Variants in CNOT10 observed in about 807,000 individuals in gnomAD.
CNOT10 encodes CCR4-NOT transcription complex subunit 10.
Under a neutral mutation model 94.6 loss-of-function variants are expected in CNOT10, and 30 were observed. The observed-to-expected ratio is 0.32, with a 90% confidence interval of 0.24 to 0.43. CNOT10 has a LOEUF of 0.43. CNOT10 is among the 20% of genes least tolerant of loss of function. The pLI is 1.00. For missense variants in CNOT10, 759 were observed against 877.2 expected (o/e 0.87, Z 1.70); for synonymous variants, 289 against 301.6 (o/e 0.96, Z 0.43).
rs111288107 is a variant in CNOT10, at chr3:32,694,808, C to G, written c.23-9060C>G. On this transcript the variant is annotated intron_variant, in intron 1 of 18. Coordinates refer to ENST00000328834, the MANE Select transcript of CNOT10 (RefSeq NM_015442.3). ...GTTTCACCATGTTGGTCGGAATGCT[C>G]TCAAACTCCCCACCTCGTGATCTGC... Among the ~76,000 whole-genome samples the G allele has an allele frequency of 2.5e-3, 387 of 152,260 alleles. 3 individuals are homozygous for G. Among genetic ancestry groups the G allele is most frequent in the African/African-American group, 8.8e-3 (365 of 41,542 alleles).
intron 1 of CNOT10, among the ~76,000 whole-genome samples, chr3:32,698,740 T>G (rs1697193724): frequency 6.6e-6 from 1 of 152,188 alleles, no homozygotes; most frequent in Non-Finnish European, 1.5e-5. Flanking sequence ...TGCTGACATG[T>G]GCCAGGCTAG....
chr3:32,753,390 G>T (rs1700049954), intron 13 of CNOT10: 2 of 1,399,374 alleles, frequency 1.4e-6, no homozygotes, highest in Non-Finnish European at 2.0e-6. Flanking sequence ...AATGTTCAAA[G>T]AATGATGTAA....
intron 1 of CNOT10, among the ~76,000 whole-genome samples, chr3:32,694,619 T>G (rs1181722646): frequency 6.6e-6 from 1 of 152,136 alleles, no homozygotes; most frequent in Non-Finnish European, 1.5e-5. Context: ...TGAGGCAGTC[T>G]TGCTCTGTTG....
At chr3:32,692,737 A>G (rs1257115991) in intron 1 of CNOT10, among the ~76,000 whole-genome samples, 1 of 152,150 alleles carries the variant, frequency 6.6e-6, no homozygotes, top group African/African-American at 2.4e-5. Context: ...GTTAGTGAAT[A>G]TTCTTCTTTA....
intron 13 of CNOT10, among the ~76,000 whole-genome samples, chr3:32,756,621 C>T (rs1206874639): frequency 6.6e-6 from 1 of 152,180 alleles, no homozygotes; most frequent in Non-Finnish European, 1.5e-5. Flanking sequence ...GCAAAGTGAC[C>T]TACCAACAGG....
intron 17 of CNOT10, chr3:32,768,993 A>C (rs1700781550): frequency 6.6e-6 from 1 of 152,210 alleles, no homozygotes; most frequent in South Asian, 2.1e-4. Context: ...CCATATTCAC[A>C]GCACATTCAC....
chr3:32,769,684 A>G (rs779403420), intron 17 of CNOT10: 10 of 520,418 alleles, frequency 1.9e-5, no homozygotes, highest in Non-Finnish European at 2.8e-5. Flanking sequence ...CTCAAAACCC[A>G]GAGTATTACA....
chr3:32,716,381 GAGAT>G (rs1698121480), intron 6 of CNOT10, 70 bp downstream of exon 6: 2 of 729,466 alleles, frequency 2.7e-6, no homozygotes, highest in Non-Finnish European at 4.6e-6. Flanking sequence ...ATGAAGCAAT[GAGAT>G]AGATCATTGG....
At chr3:32,708,932 A>C in intron 4 of CNOT10, 112 bp downstream of exon 4, 1 of 798,868 alleles carries the variant, frequency 1.3e-6, no homozygotes, top group Non-Finnish European at 1.9e-6. Context: ...GTATTCAAAG[A>C]AAAGCCGTAT....
intron 7 of CNOT10, among the ~76,000 whole-genome samples, chr3:32,718,200 T>G (rs1698207058): frequency 6.6e-6 from 1 of 151,070 alleles, no homozygotes; most frequent in Admixed American, 6.6e-5. Context: ...AGAACAATTG[T>G]GGCCTAGACC....
At chr3:32,730,710 T>G (rs547366067) in intron 10 of CNOT10, 1 of 152,272 alleles carries the variant, frequency 6.6e-6, no homozygotes, top group East Asian at 1.9e-4. Context: ...AGAAATAAAT[T>G]CATTTTGGAT....
At chr3:32,734,599 C>G (rs551956519) in intron 11 of CNOT10, among the ~76,000 whole-genome samples, 1 of 152,222 alleles carries the variant, frequency 6.6e-6, no homozygotes, top group South Asian at 2.1e-4. Context: ...TATATACTTG[C>G]AATCCATTAT....
At chr3:32,685,942 T>C (rs1162346209) in intron 1 of CNOT10, among the ~76,000 whole-genome samples, 1 of 152,076 alleles carries the variant, frequency 6.6e-6, no homozygotes, top group Non-Finnish European at 1.5e-5. Context: ...AAAACCACTT[T>C]TTTTTTTCTT....
chr3:32,721,833 T>TA (rs1575239729), intron 8 of CNOT10, among the ~76,000 whole-genome samples: 1 of 151,538 alleles, frequency 6.6e-6, no homozygotes, highest in East Asian at 1.9e-4. Flanking sequence ...TTTTTTTTTT[T>TA]AGTAGAGACA....
intron 13 of CNOT10, among the ~76,000 whole-genome samples, chr3:32,756,134 G>A (rs895808015): frequency 9.9e-5 from 15 of 152,160 alleles, no homozygotes; most frequent in African/African-American, 3.6e-4. Flanking sequence ...GGATGAGTGT[G>A]AGAGTGATGA....
At chr3:32,697,842 T>C (rs1010513758) in intron 1 of CNOT10, among the ~76,000 whole-genome samples, 2 of 152,246 alleles carry the variant, frequency 1.3e-5, no homozygotes, top group African/African-American at 4.8e-5. Flanking sequence ...GCATTTGGTT[T>C]AAATTATGCT....
chr3:32,744,369 T>G, intron 13 of CNOT10, among the ~76,000 whole-genome samples: 1 of 152,210 alleles, frequency 6.6e-6, no homozygotes, highest in Non-Finnish European at 1.5e-5. Context: ...CCCCATTTTC[T>G]GTTTCCAGCA....
At chr3:32,743,136 C>G (rs1699547355) in intron 13 of CNOT10, among the ~76,000 whole-genome samples, 1 of 151,880 alleles carries the variant, frequency 6.6e-6, no homozygotes, top group Non-Finnish European at 1.5e-5. Context: ...CAGGCATACG[C>G]CACCATGCCC....
chr3:32,695,464 T>C, intron 1 of CNOT10: 5 of 1,056,274 alleles, frequency 4.7e-6, no homozygotes, highest in Non-Finnish European at 6.6e-6. Flanking sequence ...AGCTGTATTT[T>C]GATGAGTGTA....
Sources: gnomAD v4.1 joint callset for allele counts (sites outside exome capture counted in the v4.1 genomes callset) on GRCh38, gnomAD v4.1.1 for gene constraint, MANE v1.5 for transcripts, NCBI Gene and HGNC (gene_info 2026-07-23, HGNC 2026-07-21) for gene names.